Variants in SLIT3 observed in about 807,000 individuals in gnomAD.
The protein encoded by SLIT3 is slit homolog 3 protein.
Under a neutral mutation model 184.0 loss-of-function variants are expected in SLIT3, and 68 were observed. That is an observed-to-expected ratio of 0.37 (90% CI 0.30 to 0.45). The LOEUF (loss-of-function observed/expected upper bound fraction) is 0.45, where lower values mean the gene tolerates loss of function less well. Ranked by LOEUF, SLIT3 falls within the 20% of genes least tolerant of loss-of-function variation. SLIT3 has a pLI of 1.00. For synonymous variants in SLIT3, 831 were observed against 828.6 expected, an observed-to-expected ratio of 1.00 and a Z score of -0.05; for missense variants, 1,707 against 2,026.0, an observed-to-expected ratio of 0.84 and a Z score of 3.02.
intron 26 of SLIT3, chr5:168,706,504 G>C (rs149202430): frequency 1.3e-5 from 2 of 151,742 alleles, no homozygotes; most frequent in African/African-American, 4.8e-5. Flanking sequence ...TATTTTTTTT[G>C]TGTGTGTGGG....
At chr5:169,284,838 A>G (rs554920747) in intron 1 of SLIT3, among the ~76,000 whole-genome samples, 1 of 152,322 alleles carries the variant, frequency 6.6e-6, no homozygotes, top group South Asian at 2.1e-4. Context: ...AATCCTTGAG[A>G]TAAGTATTAT....
At chr5:168,795,099 C>A (rs1317655908) in intron 10 of SLIT3, among the ~76,000 whole-genome samples, 1 of 152,148 alleles carries the variant, frequency 6.6e-6, no homozygotes, top group Non-Finnish European at 1.5e-5. Flanking sequence ...TGAATGTATG[C>A]CTGGTTGGAG....
intron 4 of SLIT3, among the ~76,000 whole-genome samples, chr5:169,147,578 T>C (rs1244777733): frequency 6.6e-6 from 1 of 152,224 alleles, no homozygotes; most frequent in Non-Finnish European, 1.5e-5. Context: ...TATTTGATGG[T>C]GCTTTGTACA....
chr5:168,783,737 G>A lies in SLIT3; in HGVS notation c.1151+2170C>T, dbSNP rs115304046. On this transcript the variant is annotated intron_variant, in intron 12 of 35. Coordinates refer to ENST00000519560, the MANE Select transcript of SLIT3 (RefSeq NM_003062.4). ...AGCAGGCTGAACACTAAATTAGATC[G>A]AATCAGGGCCTGCTTTCCAACCACT... Among the ~76,000 whole-genome samples the A allele has an allele frequency of 8.0e-3, 1,217 of 152,278 alleles. 4 individuals are homozygous for A. The highest frequency in any genetic ancestry group is 0.012 in the Admixed American group (188 of 15,304).
chr5:169,043,186 C>T (rs1432898), intron 4 of SLIT3, among the ~76,000 whole-genome samples: 15,780 of 152,134 alleles, frequency 0.1, 1,075 homozygotes, highest in East Asian at 0.41. Flanking sequence ...TGCCCGAGGT[C>T]ATACAGCCAG....
intron 32 of SLIT3, among the ~76,000 whole-genome samples, chr5:168,682,152 C>A (rs1481944045): frequency 6.6e-6 from 1 of 152,238 alleles, no homozygotes; most frequent in African/African-American, 2.4e-5. Flanking sequence ...TGAGCTCTTT[C>A]TTCTGGTGTC....
chr5:168,904,380 T>C (rs1200149289), intron 4 of SLIT3, among the ~76,000 whole-genome samples: 3 of 152,194 alleles, frequency 2.0e-5, no homozygotes, highest in Admixed American at 6.5e-5. Context: ...ATCAGTCTTT[T>C]GGTATTCACA....
chr5:168,856,806 T>TGTGTGC (rs374432432), intron 5 of SLIT3, among the ~76,000 whole-genome samples: 2,942 of 137,672 alleles, frequency 0.021, 47 homozygotes, highest in Admixed American at 0.047. Flanking sequence ...TGTGTGTGTG[T>TGTGTGC]GCGCGCGCGC....
intron 14 of SLIT3, among the ~76,000 whole-genome samples, chr5:168,769,572 G>A (rs1028126199): frequency 2.0e-5 from 3 of 152,112 alleles, no homozygotes; most frequent in African/African-American, 7.2e-5. Context: ...ACTAGAGTCA[G>A]CCACTAGAAT....
At chr5:168,952,460 C>G (rs114904928) in intron 4 of SLIT3, among the ~76,000 whole-genome samples, 2 of 149,902 alleles carry the variant, frequency 1.3e-5, no homozygotes, top group African/African-American at 5.0e-5. Flanking sequence ...CACCAGGCAC[C>G]CGGCCCTGTC....
chr5:169,196,416 C>T (rs187304512), intron 3 of SLIT3, among the ~76,000 whole-genome samples: 41 of 152,262 alleles, frequency 2.7e-4, no homozygotes, highest in African/African-American at 9.9e-4. Flanking sequence ...TACAGTGAGT[C>T]TTAAATGACA....
At chr5:168,882,212 G>C (rs1759980050) in intron 5 of SLIT3, among the ~76,000 whole-genome samples, 1 of 152,060 alleles carries the variant, frequency 6.6e-6, no homozygotes, top group Non-Finnish European at 1.5e-5. Context: ...AATTGAATCT[G>C]GGGCTGCAGA....
chr5:168,796,383 T>C (rs564266130), intron 9 of SLIT3, among the ~76,000 whole-genome samples: 1 of 152,196 alleles, frequency 6.6e-6, no homozygotes, highest in South Asian at 2.1e-4. Context: ...TGACTTCCTG[T>C]CACCAAGAAC....
intron 4 of SLIT3, among the ~76,000 whole-genome samples, chr5:168,929,523 G>C (rs1490422784): frequency 1.3e-5 from 2 of 152,142 alleles, no homozygotes; most frequent in Non-Finnish European, 2.9e-5. Flanking sequence ...TCAAACCCAG[G>C]GATGCTCTGG....
chr5:169,080,663 C>T (rs1159851163), intron 4 of SLIT3, among the ~76,000 whole-genome samples: 1 of 152,136 alleles, frequency 6.6e-6, no homozygotes, highest in Non-Finnish European at 1.5e-5. Flanking sequence ...TGGCCTCTTC[C>T]CCAAACCATC....
Position 168,730,976 on chromosome 5 carries a change from G to A in SLIT3, c.2271-6492C>T, listed in dbSNP as rs144579802. Among the ~76,000 whole-genome samples the A allele has an allele frequency of 4.4e-3, 675 of 151,884 alleles. 4 individuals carry two copies. The highest frequency in any genetic ancestry group is 0.015 in the African/African-American group (636 of 41,496). ...AAATGGGGACCAAAAGGATAATACA[G>A]AAGATTAACAAAAGAAAAAGTTGGT... On this transcript the variant is annotated intron_variant, in intron 20 of 35. Coordinates refer to ENST00000519560, the MANE Select transcript of SLIT3 (RefSeq NM_003062.4).
At chr5:168,986,564 T>C (rs2113372447) in intron 4 of SLIT3, among the ~76,000 whole-genome samples, 1 of 152,254 alleles carries the variant, frequency 6.6e-6, no homozygotes, top group South Asian at 2.1e-4. Context: ...CCCTGCACGC[T>C]CTCTCCTTTA....
At chr5:169,150,080 A>G (rs975287534) in intron 4 of SLIT3, among the ~76,000 whole-genome samples, 1 of 152,208 alleles carries the variant, frequency 6.6e-6, no homozygotes, top group African/African-American at 2.4e-5. Context: ...TCTTCACACC[A>G]TTACATTTTG....
chr5:168,861,976 T>G (rs1391961174), intron 5 of SLIT3, among the ~76,000 whole-genome samples: 1 of 152,160 alleles, frequency 6.6e-6, no homozygotes, highest in African/African-American at 2.4e-5. Context: ...AGAGCATCAT[T>G]TAATGGGGCC....
Sources: allele counts gnomAD v4.1 joint callset (sites outside exome capture counted in the v4.1 genomes callset), GRCh38; gene constraint gnomAD v4.1.1; transcripts MANE v1.5; gene names NCBI Gene and HGNC (gene_info 2026-07-23, HGNC 2026-07-21).